Variants in RBFOX1 observed in about 807,000 individuals in gnomAD.
RBFOX1 encodes the protein RNA binding fox-1 homolog 1.
A neutral mutation model predicts 57.7 loss-of-function variants in RBFOX1; 8 were observed. That is an observed-to-expected ratio of 0.14 (90% CI 0.08 to 0.25). The LOEUF is 0.25. Among genes scored for constraint, RBFOX1 ranks in the 10% least tolerant of loss-of-function variants. The pLI, the probability that RBFOX1 is intolerant of heterozygous loss-of-function variation, is 1.00. For synonymous variants in RBFOX1, 326 were observed against 222.4 expected, an observed-to-expected ratio of 1.47 and a Z score of -4.15; for missense variants, 611 against 548.5, an observed-to-expected ratio of 1.11 and a Z score of -1.14.
At chr16:7,329,441 G>C (rs2096655502) in intron 4 of RBFOX1, among the ~76,000 whole-genome samples, 1 of 152,216 alleles carries the variant, frequency 6.6e-6, no homozygotes, top group African/African-American at 2.4e-5. Flanking sequence ...ACACGACATA[G>C]TGTCGACCTT....
chr16:6,807,893 T>TGA (rs1567336077), intron 3 of RBFOX1, among the ~76,000 whole-genome samples: 1 of 106,324 alleles, frequency 9.4e-6, no homozygotes, highest in Non-Finnish European at 2.2e-5. Flanking sequence ...TGAATATATA[T>TGA]TATTGTGTGT....
chr16:5,975,586 T>A (rs1413219792), intron 4 of RBFOX1, among the ~76,000 whole-genome samples: 1 of 152,200 alleles, frequency 6.6e-6, no homozygotes, highest in Non-Finnish European at 1.5e-5. Flanking sequence ...CCTGAACCAG[T>A]GTATTCATCT....
At chr16:7,469,050 C>G (rs2061058617) in intron 4 of RBFOX1, among the ~76,000 whole-genome samples, 1 of 152,042 alleles carries the variant, frequency 6.6e-6, no homozygotes, top group Admixed American at 6.6e-5. Context: ...TTTCCTGCCT[C>G]AGCCTCCTGA....
intron 3 of RBFOX1, among the ~76,000 whole-genome samples, chr16:6,855,990 T>C (rs1291027481): frequency 6.6e-6 from 1 of 152,104 alleles, no homozygotes; most frequent in Non-Finnish European, 1.5e-5. Context: ...AATACAGGCC[T>C]ATTGATCCTC....
rs1019122906 is a variant in RBFOX1 at position 6,480,027 on chromosome 16, G to T, written c.-64+162970G>T. Among the ~76,000 whole-genome samples, 3 of 143,100 alleles carry T rather than the reference G, an allele frequency of 2.1e-5. No homozygotes were observed. In the South Asian group the frequency reaches 6.7e-4, roughly 32 times the overall value. The allele number at this position is 143,100 out of a possible 152,430, so 93.9% of individuals were successfully genotyped here. A position where few individuals can be genotyped will look rare whatever the true frequency, so the allele number is the denominator to read the frequency against. On this transcript the variant is annotated intron_variant, in intron 2 of 15. Coordinates refer to ENST00000550418, the MANE Select transcript of RBFOX1 (RefSeq NM_018723.4). ...ATCGTGCCACTGCCCTCCAGGCTGG[G>T]AGACAGAGCAAGACTCCACCTCGAA... is the stretch of plus-strand genomic sequence containing the variant.
intron 3 of RBFOX1, among the ~76,000 whole-genome samples, chr16:5,683,247 G>C (rs777802136): frequency 1.3e-5 from 2 of 152,260 alleles, no homozygotes; most frequent in Middle Eastern, 3.4e-3. Context: ...AAATAGTAAT[G>C]TGCAGGTCTT....
At chr16:6,059,637 G>T (rs1387465505) in intron 1 of RBFOX1, among the ~76,000 whole-genome samples, 1 of 152,166 alleles carries the variant, frequency 6.6e-6, no homozygotes, top group South Asian at 2.1e-4. Flanking sequence ...GACACTTGAG[G>T]TTATTCAAAC....
intron 3 of RBFOX1, among the ~76,000 whole-genome samples, chr16:7,000,632 C>A (rs529651657): frequency 8.9e-5 from 10 of 112,516 alleles, no homozygotes; most frequent in African/African-American, 3.1e-4. Flanking sequence ...CAGAGTCTCG[C>A]TCTCCTCTGT....
At chr16:6,719,969 C>G (rs1256993759) in intron 3 of RBFOX1, among the ~76,000 whole-genome samples, 1 of 151,868 alleles carries the variant, frequency 6.6e-6, no homozygotes, top group Non-Finnish European at 1.5e-5. Flanking sequence ...TGGCAGGCGT[C>G]TATAATCCCA....
At position 7,290,607 on chromosome 16, in the gene RBFOX1, A is replaced by C. The variant is rs528126730; in HGVS notation, c.28-227540A>C. Among the ~76,000 whole-genome samples the C allele has an allele frequency of 4.6e-5, 7 of 152,334 alleles. No homozygotes were observed. The South Asian group carries it at 1.0e-3, about 23-fold the overall frequency. On this transcript the variant is annotated intron_variant, in intron 4 of 15. Coordinates refer to ENST00000550418, the MANE Select transcript of RBFOX1 (RefSeq NM_018723.4). ...AAGAGGACTAATATTTTCATTTTCA[A>C]ATTTGCTCATTCACTCAACTAATAT... is the stretch of plus-strand genomic sequence containing the variant.
chr16:6,162,189 C>G lies in RBFOX1; in HGVS notation c.-127+142197C>G, dbSNP rs145410691. On this transcript the variant is annotated intron_variant, in intron 1 of 15. Coordinates refer to ENST00000550418, the MANE Select transcript of RBFOX1 (RefSeq NM_018723.4). ...CTGGAGTGCAGTGGTGTCATCTTGG[C>G]TCACTGCAACTTCCGCCTTCCAGGT... 1.8e-3 allele frequency among the ~76,000 whole-genome samples: 274 copies of G among 152,298 alleles called. 1 individual carries two copies. Among genetic ancestry groups the G allele is most frequent in the African/African-American group, 6.3e-3 (263 of 41,556 alleles).
intron 1 of RBFOX1, among the ~76,000 whole-genome samples, chr16:5,398,259 G>T (rs1042887917): frequency 3.3e-5 from 5 of 151,788 alleles, no homozygotes; most frequent in African/African-American, 1.2e-4. Context: ...TTGTGTGGAT[G>T]TGGGTGTGCA....
At chr16:7,338,657 C>T (rs983787738) in intron 4 of RBFOX1, among the ~76,000 whole-genome samples, 1 of 152,152 alleles carries the variant, frequency 6.6e-6, no homozygotes, top group Admixed American at 6.5e-5. Flanking sequence ...GAAGCAGAAA[C>T]CAGCGTATGT....
exon 3 of RBFOX1, chr16:5,600,133 C>CA (rs35222906): frequency 0.042 from 4,188 of 99,706 alleles, 177 homozygotes; most frequent in African/African-American, 0.11. Flanking sequence ...ACTAAAAATA[C>CA]AAAAAAAAAA....
Position 7,276,714 on chromosome 16 carries a change from G to A in RBFOX1, c.27+224616G>A, listed in dbSNP as rs773118922. Among the ~76,000 whole-genome samples the A allele has an allele frequency of 1.8e-4, 28 of 152,142 alleles. 1 individual carries two copies. The highest frequency in any genetic ancestry group is 1.1e-3 in the Admixed American group (17 of 15,270). ...CACTGAGTTATGTAATGATTTGATC[G>A]TGTTGAGGAGTAATTCACCTTTGTT... On this transcript the variant is annotated intron_variant, in intron 4 of 15. Coordinates refer to ENST00000550418, the MANE Select transcript of RBFOX1 (RefSeq NM_018723.4).
At chr16:6,110,828 G>T (rs2096438122) in intron 1 of RBFOX1, among the ~76,000 whole-genome samples, 1 of 152,164 alleles carries the variant, frequency 6.6e-6, no homozygotes, top group Non-Finnish European at 1.5e-5. Flanking sequence ...AGTGGGTAGA[G>T]GCCAGAGACG....
At chr16:6,318,003 T>C (rs8054676) in intron 2 of RBFOX1, among the ~76,000 whole-genome samples, 1,973 of 152,298 alleles carry the variant, frequency 0.013, 41 homozygotes, top group African/African-American at 0.043. Flanking sequence ...GCAGGTAGAA[T>C]TGGAGGACAT....
At chr16:7,238,219 C>T (rs950453344) in intron 4 of RBFOX1, among the ~76,000 whole-genome samples, 2 of 151,890 alleles carry the variant, frequency 1.3e-5, no homozygotes, top group African/African-American at 4.8e-5. Context: ...TTAATTGGTA[C>T]AGAGTTTCAG....
intron 4 of RBFOX1, among the ~76,000 whole-genome samples, chr16:7,055,892 G>A (rs750897229): frequency 7.2e-5 from 11 of 151,844 alleles, no homozygotes; most frequent in Non-Finnish European, 1.6e-4. Context: ...CATCCTACAT[G>A]TGTGGGCTCA....
Sources: allele counts gnomAD v4.1 joint callset (sites outside exome capture counted in the v4.1 genomes callset), GRCh38; gene constraint gnomAD v4.1.1; transcripts MANE v1.5; gene names NCBI Gene and HGNC (gene_info 2026-07-23, HGNC 2026-07-21).